The following FAM151B variants were observed in gnomAD, a reference collection of about 807,000 sequenced individuals.
FAM151B encodes the protein protein FAM151B.
In FAM151B, 24 loss-of-function variants were observed where a neutral mutation model predicts 31.2. That is an observed-to-expected ratio of 0.77 (90% CI 0.56 to 1.08). The LOEUF (loss-of-function observed/expected upper bound fraction) is 1.08. Ranked by LOEUF, FAM151B falls within the 50% of genes least tolerant of loss-of-function variation. The pLI is 0.00. For synonymous variants in FAM151B, 105 were observed against 111.4 expected, an observed-to-expected ratio of 0.94 and a Z score of 0.36; for missense variants, 293 against 328.6, an observed-to-expected ratio of 0.89 and a Z score of 0.84.
At chr5:80,521,350 T>C (rs1237635325) in intron 4 of FAM151B, among the ~76,000 whole-genome samples, 1 of 151,650 alleles carries the variant, frequency 6.6e-6, no homozygotes. Flanking sequence ...GGTTTCAAAC[T>C]CCTGGGCTCA....
At chr5:80,513,480 C>A in intron 2 of FAM151B, 124 bp from the exon 3 acceptor site, 1 of 882,574 alleles carries the variant, frequency 1.1e-6, no homozygotes, top group Non-Finnish European at 1.7e-6. Flanking sequence ...GGGATAATCG[C>A]TCACTGAGTG....
intron 2 of FAM151B, among the ~76,000 whole-genome samples, chr5:80,513,019 T>A (rs576639402): frequency 6.6e-6 from 1 of 152,188 alleles, no homozygotes; most frequent in South Asian, 2.1e-4. Flanking sequence ...AAGAGGATGT[T>A]GATGGGAAGA....
intron 5 of FAM151B, among the ~76,000 whole-genome samples, chr5:80,535,620 T>C (rs1028500039): frequency 6.6e-6 from 1 of 152,144 alleles, no homozygotes; most frequent in Non-Finnish European, 1.5e-5. Flanking sequence ...ATCTAAGACC[T>C]CAAACTATGA....
intron 5 of FAM151B, among the ~76,000 whole-genome samples, chr5:80,541,455 T>A (rs1404049236): frequency 3.9e-5 from 6 of 152,228 alleles, no homozygotes; most frequent in Non-Finnish European, 7.3e-5. Flanking sequence ...GATAGAGCAG[T>A]TATGTCGTTT....
chr5:80,534,628 A>G (rs896107848), intron 5 of FAM151B, among the ~76,000 whole-genome samples: 1 of 152,238 alleles, frequency 6.6e-6, no homozygotes, highest in African/African-American at 2.4e-5. Flanking sequence ...AAAGCTATAT[A>G]CAACAGACCC....
chr5:80,515,304 A>C (rs565885092), intron 3 of FAM151B, among the ~76,000 whole-genome samples: 1 of 152,176 alleles, frequency 6.6e-6, no homozygotes, highest in Non-Finnish European at 1.5e-5. Context: ...CAATGGTTCA[A>C]TTTCATTTTA....
chr5:80,515,011 G>A (rs909166683), intron 3 of FAM151B, among the ~76,000 whole-genome samples: 2 of 152,156 alleles, frequency 1.3e-5, no homozygotes, highest in African/African-American at 2.4e-5. Flanking sequence ...AGGCCAAGGC[G>A]GGTGGATCAC....
chr5:80,523,350 A>G (rs920332605), intron 5 of FAM151B, among the ~76,000 whole-genome samples: 2 of 152,188 alleles, frequency 1.3e-5, no homozygotes. Flanking sequence ...CCAGTTTAAT[A>G]ATTCACTATG....
intron 5 of FAM151B, among the ~76,000 whole-genome samples, chr5:80,534,263 C>T (rs1376307278): frequency 6.6e-6 from 1 of 151,962 alleles, no homozygotes; most frequent in Non-Finnish European, 1.5e-5. Context: ...TCTACAAGGC[C>T]AGCATTACCC....
intron 1 of FAM151B, among the ~76,000 whole-genome samples, chr5:80,490,156 G>A (rs991441013): frequency 2.6e-5 from 4 of 152,078 alleles, no homozygotes; most frequent in Non-Finnish European, 5.9e-5. Flanking sequence ...CACTTTGAAA[G>A]GCAGGAGGAT....
Position 80,542,000 on chromosome 5 carries a change from C to T in FAM151B, c.*168C>T. 4.6e-6 allele frequency: 3 copies of T among 647,816 alleles called. No individual in the cohort carries two copies. The South Asian group carries it at 7.1e-5, about 15-fold the overall frequency. The allele number at this position is 647,816 out of a possible 1,614,324, so 40.1% of individuals were successfully genotyped here. On this transcript the variant is annotated 3_prime_UTR_variant, in exon 6 of 6. Coordinates refer to ENST00000282226, the MANE Select transcript of FAM151B (RefSeq NM_205548.3). ...GTGGGCATATGTCCTTATAATAGTG[C>T]ACTTACATAAAAGATTTGGAAAGAA... is the stretch of plus-strand genomic sequence containing the variant.
intron 3 of FAM151B, among the ~76,000 whole-genome samples, chr5:80,514,328 A>T (rs1238952446): frequency 6.6e-6 from 1 of 152,000 alleles, no homozygotes; most frequent in Non-Finnish European, 1.5e-5. Flanking sequence ...TACAAAAATT[A>T]GCCAAGCATG....
At chr5:80,528,847 G>A (rs1028931632) in intron 5 of FAM151B, among the ~76,000 whole-genome samples, 3 of 152,044 alleles carry the variant, frequency 2.0e-5, no homozygotes, top group Admixed American at 2.0e-4. Context: ...AAGTTAACAA[G>A]GATATCCAGG....
At chr5:80,519,939 T>C (rs1467152296) in intron 4 of FAM151B, 29 bp downstream of exon 4, 2 of 1,588,604 alleles carry the variant, frequency 1.3e-6, no homozygotes, top group Non-Finnish European at 1.7e-6. Context: ...TATTTCTTGG[T>C]CAAATTAAAA....
At chr5:80,512,829 A>G (rs577472672) in intron 2 of FAM151B, among the ~76,000 whole-genome samples, 1 of 152,170 alleles carries the variant, frequency 6.6e-6, no homozygotes, top group East Asian at 1.9e-4. Context: ...ATGCATTTTA[A>G]AGAATTTTTA....
At chr5:80,493,756 A>G (rs745707136) in intron 1 of FAM151B, among the ~76,000 whole-genome samples, 1 of 151,992 alleles carries the variant, frequency 6.6e-6, no homozygotes, top group Non-Finnish European at 1.5e-5. Flanking sequence ...CTGCTCTCAA[A>G]CCCTGTTTCC....
intron 1 of FAM151B, among the ~76,000 whole-genome samples, chr5:80,494,635 C>T (rs377485121): frequency 6.6e-6 from 1 of 151,870 alleles, no homozygotes; most frequent in South Asian, 2.1e-4. Context: ...ACCTCAGCCC[C>T]CCAAGTAGCT....
At chr5:80,528,292 G>A (rs1745061499) in intron 5 of FAM151B, among the ~76,000 whole-genome samples, 1 of 151,804 alleles carries the variant, frequency 6.6e-6, no homozygotes, top group Admixed American at 6.6e-5. Flanking sequence ...AAAGGAAGGG[G>A]GAAAAAAAGA....
At chr5:80,505,191 A>AT (rs1201950409) in intron 2 of FAM151B, among the ~76,000 whole-genome samples, 1 of 151,942 alleles carries the variant, frequency 6.6e-6, no homozygotes, top group Non-Finnish European at 1.5e-5. Context: ...TTATTTCTTT[A>AT]TTTTTATTTT....
Sources: allele counts gnomAD v4.1 joint callset (sites outside exome capture counted in the v4.1 genomes callset), GRCh38; gene constraint gnomAD v4.1.1; transcripts MANE v1.5; gene names NCBI Gene and HGNC (gene_info 2026-07-23, HGNC 2026-07-21).